Variants in CNBD1 observed in about 807,000 individuals in gnomAD.
CNBD1 encodes cyclic nucleotide binding domain containing 1, also known as cyclic nucleotide-binding domain-containing protein 1.
Under a neutral mutation model 54.4 loss-of-function variants are expected in CNBD1, and 71 were observed. The ratio of observed to expected loss-of-function variants is 1.30; its 90% confidence interval spans 1.08 to 1.59. The LOEUF (loss-of-function observed/expected upper bound fraction) is 1.59. CNBD1 is among the 40% of genes most tolerant of loss of function. The pLI is 0.00. For missense variants in CNBD1, 659 were observed against 518.0 expected, an observed-to-expected ratio of 1.27 and a Z score of -2.64; for synonymous variants, 182 against 170.7, an observed-to-expected ratio of 1.07 and a Z score of -0.51.
chr8:87,166,360 C>A lies in CNBD1; in HGVS notation c.432-39633C>A, dbSNP rs139723519. On this transcript the variant is annotated intron_variant, in intron 4 of 10. Coordinates refer to ENST00000518476, the MANE Select transcript of CNBD1 (RefSeq NM_173538.3). The surrounding 1 kb of genome is among the most constrained non-coding windows in gnomAD (Gnocchi z 4.3). ...TTGTCTCCAGGTCACCATAGCTTCT[C>A]GCTTTGATACTTCAATAGCCTCCTT... 6.6e-5 allele frequency among the ~76,000 whole-genome samples: 10 copies of A among 151,900 alleles called. No individual in the cohort carries two copies. Among genetic ancestry groups the A allele is most frequent in the Non-Finnish European group, 2.9e-5 (2 of 67,912 alleles).
intron 2 of CNBD1, among the ~76,000 whole-genome samples, chr8:87,410,877 C>A (rs1022966119): frequency 6.6e-6 from 1 of 152,044 alleles, no homozygotes; most frequent in African/African-American, 2.4e-5. Context: ...AAGGAAAGAC[C>A]CTCCATCTGC....
chr8:87,370,674 G>A (rs1009358012), intron 10 of CNBD1, among the ~76,000 whole-genome samples: 17 of 151,048 alleles, frequency 1.1e-4, no homozygotes, highest in Non-Finnish European at 1.0e-4. Flanking sequence ...CCATTTTGTA[G>A]GTTGCCTGTT....
At chr8:87,390,864 G>C in intron 2 of CNBD1, among the ~76,000 whole-genome samples, 1 of 152,094 alleles carries the variant, frequency 6.6e-6, no homozygotes, top group Non-Finnish European at 1.5e-5. Flanking sequence ...ATGATAGACT[G>C]GATTAAGAAA....
chr8:87,142,406 C>T (rs989070131), intron 4 of CNBD1, among the ~76,000 whole-genome samples: 2 of 151,896 alleles, frequency 1.3e-5, no homozygotes, highest in Admixed American at 6.6e-5. Context: ...GATTGGGGAC[C>T]GTTTGGTTGA....
chr8:87,422,279 T>C (rs1807953666), intron 2 of CNBD1, among the ~76,000 whole-genome samples: 1 of 145,794 alleles, frequency 6.9e-6, no homozygotes, highest in South Asian at 2.1e-4. Flanking sequence ...TTTAGTTTAA[T>C]TAGATCCCAT....
At chr8:87,060,739 A>G (rs569321006) in intron 4 of CNBD1, among the ~76,000 whole-genome samples, 35 of 152,298 alleles carry the variant, frequency 2.3e-4, no homozygotes, top group Admixed American at 1.8e-3. Flanking sequence ...CAACTAAAAT[A>G]AAATTTTTAA....
chr8:87,217,030 A>T (rs1435223504), intron 5 of CNBD1, among the ~76,000 whole-genome samples: 1 of 152,096 alleles, frequency 6.6e-6, no homozygotes, highest in Non-Finnish European at 1.5e-5. Flanking sequence ...CTCTTGATGT[A>T]ATATGTCCTT....
chr8:87,339,745 C>T (rs1035192875), intron 8 of CNBD1, among the ~76,000 whole-genome samples: 1 of 151,996 alleles, frequency 6.6e-6, no homozygotes, highest in Admixed American at 6.6e-5. Context: ...TTATAACTGT[C>T]TATTTAAAAC....
chr8:87,266,436 A>AAATTTTTT (rs71503464), intron 6 of CNBD1, among the ~76,000 whole-genome samples: 1 of 76,226 alleles, frequency 1.3e-5, no homozygotes, highest in Non-Finnish European at 3.1e-5. Context: ...AAAAAAAAAA[A>AAATTTTTT]TCTTTTTTTT....
chr8:87,353,878 A>G (rs1810361235), intron 10 of CNBD1, 92 bp downstream of exon 10: 2 of 836,496 alleles, frequency 2.4e-6, no homozygotes, highest in Non-Finnish European at 3.6e-6. Context: ...TCAGATGCAT[A>G]TTTATTAAAT....
intron 5 of CNBD1, among the ~76,000 whole-genome samples, chr8:87,224,069 A>C (rs1199633066): frequency 1.8e-4 from 27 of 148,888 alleles, no homozygotes; most frequent in Admixed American, 3.3e-4. Flanking sequence ...CATGTCCTTC[A>C]CCCACTTTTT....
intron 2 of CNBD1, among the ~76,000 whole-genome samples, chr8:87,423,072 G>A (rs1807973927): frequency 6.8e-6 from 1 of 147,612 alleles, no homozygotes; most frequent in South Asian, 2.1e-4. Flanking sequence ...TTGGCTCTCT[G>A]TTTGTCTGTT....
intron 4 of CNBD1, among the ~76,000 whole-genome samples, chr8:87,090,782 CAATT>C (rs977912855): frequency 2.0e-5 from 3 of 152,034 alleles, no homozygotes; most frequent in Non-Finnish European, 4.4e-5. Context: ...AATATTATCA[CAATT>C]AATTTGTTAT....
chr8:87,428,527 T>C, intron 2 of CNBD1: 2 of 435,714 alleles, frequency 4.6e-6, no homozygotes, highest in Middle Eastern at 3.4e-4. Flanking sequence ...TCTAAGTGTT[T>C]TCTTCTGTTT....
intron 3 of CNBD1, among the ~76,000 whole-genome samples, chr8:86,921,934 G>T (rs1320203732): frequency 6.6e-6 from 1 of 152,130 alleles, no homozygotes; most frequent in Non-Finnish European, 1.5e-5. Context: ...GAGGTGGTAA[G>T]TGCAGTGTAG....
chr8:87,365,216 T>A (rs1810618764), intron 10 of CNBD1, among the ~76,000 whole-genome samples: 1 of 152,146 alleles, frequency 6.6e-6, no homozygotes, highest in African/African-American at 2.4e-5. Flanking sequence ...TGATGTGAGA[T>A]GACATCTCAT....
chr8:87,372,080 C>T (rs202190553), intron 10 of CNBD1, among the ~76,000 whole-genome samples: 1 of 151,874 alleles, frequency 6.6e-6, no homozygotes, highest in Non-Finnish European at 1.5e-5. Context: ...ATTGTATATC[C>T]AGAAAACCCC....
chr8:87,092,495 G>A (rs1186471058), intron 4 of CNBD1, among the ~76,000 whole-genome samples: 3 of 146,428 alleles, frequency 2.0e-5, no homozygotes, highest in Non-Finnish European at 4.5e-5. Flanking sequence ...ATGTGTGTGT[G>A]TATATATATG....
intron 4 of CNBD1, among the ~76,000 whole-genome samples, chr8:87,022,708 A>T (rs1404777724): frequency 2.0e-5 from 3 of 152,236 alleles, no homozygotes; most frequent in African/African-American, 7.2e-5. Flanking sequence ...TAATGAAATC[A>T]TCTTTGTTAG....
Sources: gnomAD v4.1 joint callset for allele counts (sites outside exome capture counted in the v4.1 genomes callset) on GRCh38, gnomAD v4.1.1 for gene constraint, Gnocchi (gnomAD v3.1) non-coding constraint, MANE v1.5 for transcripts, NCBI Gene and HGNC (gene_info 2026-07-23, HGNC 2026-07-21) for gene names.